Variants in ADGB observed in about 807,000 individuals in gnomAD.
ADGB encodes calpain-7-like protein.
Under a neutral mutation model 210.5 loss-of-function variants are expected in ADGB, and 172 were observed. The ratio of observed to expected loss-of-function variants is 0.82; its 90% CI spans 0.72 to 0.93. ADGB has a LOEUF of 0.93. Among genes scored for constraint, ADGB ranks in the 40% least tolerant of loss-of-function variants. The pLI is 0.00. For synonymous variants in ADGB, 658 were observed against 662.7 expected (o/e 0.99, Z 0.11); for missense variants, 2,025 against 1,964.8 (o/e 1.03, Z -0.58).
intron 1 of ADGB, among the ~76,000 whole-genome samples, chr6:146,611,642 C>T (rs1433365692): frequency 1.3e-5 from 2 of 152,098 alleles, no homozygotes; most frequent in African/African-American, 2.4e-5. Flanking sequence ...CCCCGGCTTC[C>T]ACCTCCTTCA....
chr6:146,599,070 G>A lies in ADGB; in HGVS notation c.30G>A (p.Glu10=). 2 of 1,551,712 alleles carry A rather than the reference G, an allele frequency of 1.3e-6. No homozygotes were observed. Among genetic ancestry groups the A allele is most frequent in the Non-Finnish European group, 1.7e-6 (2 of 1,146,990 alleles). The change falls in exon 1 of 36, where the codon GAG becomes GAA. Residue 10 remains glutamate (E), a synonymous_variant. Coordinates refer to ENST00000397944, the MANE Select transcript of ADGB (RefSeq NM_024694.4). MASKQTKKK[E]VHRINSAHGS... ...CCTCCAAACAAACCAAAAAGAAAGA[G>A]GTGCATCGTATCAACTCGGCGCACG... is the stretch of plus-strand genomic sequence containing the variant.
At position 146,784,773 on chromosome 6, in the gene ADGB, T is replaced by G; in HGVS notation, c.4191T>G (p.Thr1397=). The part of the protein sequence containing the change: ...IRAMKQAWET[T]EPGRAIKASQ... The stretch of plus-strand genomic sequence containing the variant: ...CCATGAAACAAGCCTGGGAGACAAC[T>G]GAGCCAGGAAGAGCAATCAAGGTCA... Residue 1397 remains threonine (T), a synonymous_variant, in exon 31 of 36, where the codon ACT becomes ACG. Transcript: ENST00000397944. 1 of 1,549,546 alleles carries G rather than the reference T, an allele frequency of 6.5e-7. No homozygotes were observed. The highest frequency in any genetic ancestry group is 8.7e-7 in the Non-Finnish European group (1 of 1,146,158).
chr6:146,726,072 C>A lies in ADGB; in HGVS notation c.2238-11C>A. On this transcript the variant is annotated splice_polypyrimidine_tract_variant and intron_variant, in intron 18 of 35. Coordinates refer to ENST00000397944, the MANE Select transcript of ADGB (RefSeq NM_024694.4). ...AGCACTCGGTTATCATCCGGCATCCCTTCTCTTTAGGAGACACATGCTACT... is the reference window on the plus strand; with the variant it reads ...AGCACTCGGTTATCATCCGGCATCCATTCTCTTTAGGAGACACATGCTACT... 6.7e-7 allele frequency: 1 copy of A among 1,497,386 alleles called. No individual in the cohort carries two copies. The highest frequency in any genetic ancestry group is 9.1e-7 in the Non-Finnish European group (1 of 1,103,414). The allele number at this position is 1,497,386 out of a possible 1,614,324, so 92.8% of individuals were successfully genotyped here. A position where few individuals can be genotyped will look rare whatever the true frequency, so the allele number is the denominator to read the frequency against.
At chr6:146,602,437 A>C (rs1211917381) in intron 1 of ADGB, among the ~76,000 whole-genome samples, 1 of 152,230 alleles carries the variant, frequency 6.6e-6, no homozygotes, top group Non-Finnish European at 1.5e-5. Context: ...TTCTGTTATC[A>C]TCTTTTAACA....
chr6:146,780,237 C>T (rs1341556982), intron 29 of ADGB, among the ~76,000 whole-genome samples: 1 of 151,412 alleles, frequency 6.6e-6, no homozygotes, highest in Non-Finnish European at 1.5e-5. Flanking sequence ...AAAATCTATA[C>T]AAACAAATAA....
intron 1 of ADGB, among the ~76,000 whole-genome samples, chr6:146,616,787 A>G (rs1389103465): frequency 2.0e-5 from 3 of 152,032 alleles, no homozygotes; most frequent in East Asian, 3.9e-4. Flanking sequence ...TCATTGGTTT[A>G]TGTGTCTGGT....
Position 146,765,118 on chromosome 6 carries a change from T to C in ADGB, c.3750+1018T>C, listed in dbSNP as rs1777553267. Among the ~76,000 whole-genome samples the C allele has an allele frequency of 2.6e-5, 4 of 151,928 alleles. No homozygotes were observed. The South Asian group carries it at 8.3e-4, about 32-fold the overall frequency. On this transcript the variant is annotated intron_variant, in intron 28 of 35. Coordinates refer to ENST00000397944, the MANE Select transcript of ADGB (RefSeq NM_024694.4). ...CTGGCCTGATGATAGTTTTAATACA[T>C]ATAGAAACATTATATAAAAATAAAA... is the stretch of plus-strand genomic sequence containing the variant.
rs1780917482 is a variant in ADGB at position 146,622,908 on chromosome 6, T to G, written c.75-12467T>G. ...AAATAATGCAAAGCGTAAATTGATG[T>G]TTATTTTGCATATGGATATTCAATG... On this transcript the variant is annotated intron_variant, in intron 1 of 35. Transcript: ENST00000397944. Among the ~76,000 whole-genome samples, 3 of 152,076 alleles carry G rather than the reference T, an allele frequency of 2.0e-5. No homozygotes were observed. In the South Asian group the frequency reaches 6.2e-4, roughly 31 times the overall value.
At chr6:146,655,895 AAT>A (rs1409736316) in intron 4 of ADGB, among the ~76,000 whole-genome samples, 5 of 152,292 alleles carry the variant, frequency 3.3e-5, no homozygotes, top group Non-Finnish European at 7.4e-5. Context: ...GTCAATATTA[AAT>A]ATTTAATTTC....
chr6:146,705,270 C>T (rs1237222457), intron 13 of ADGB, among the ~76,000 whole-genome samples: 1 of 151,912 alleles, frequency 6.6e-6, no homozygotes, highest in Non-Finnish European at 1.5e-5. Flanking sequence ...AATTTGAGTG[C>T]CTTTTCTTTA....
intron 12 of ADGB, among the ~76,000 whole-genome samples, chr6:146,696,359 A>T (rs1776403257): frequency 6.7e-6 from 1 of 149,484 alleles, no homozygotes; most frequent in Admixed American, 6.6e-5. Context: ...TACAGGTGTG[A>T]GCCACAGTGC....
intron 20 of ADGB, among the ~76,000 whole-genome samples, chr6:146,731,068 T>C (rs1366733823): frequency 6.6e-6 from 1 of 152,138 alleles, no homozygotes; most frequent in Non-Finnish European, 1.5e-5. Flanking sequence ...AGCAACCTCT[T>C]TCCTTATTTT....
chr6:146,799,303 C>T (rs1444370472), intron 33 of ADGB, among the ~76,000 whole-genome samples: 1 of 151,840 alleles, frequency 6.6e-6, no homozygotes, highest in Non-Finnish European at 1.5e-5. Context: ...AGGAAATGAA[C>T]TAAAAAGATA....
chr6:146,648,210 C>T (rs1562264063), intron 3 of ADGB, among the ~76,000 whole-genome samples: 1 of 151,926 alleles, frequency 6.6e-6, no homozygotes, highest in Non-Finnish European at 1.5e-5. Flanking sequence ...CTTTTATTTA[C>T]CTTTTTTTAC....
chr6:146,663,642 A>G (rs530521663), intron 5 of ADGB, among the ~76,000 whole-genome samples: 100 of 152,174 alleles, frequency 6.6e-4, no homozygotes, highest in African/African-American at 2.2e-3. Flanking sequence ...GATATGTTCA[A>G]TATAGATATA....
chr6:146,697,059 A>G (rs1326347133), intron 12 of ADGB, among the ~76,000 whole-genome samples: 1 of 151,928 alleles, frequency 6.6e-6, no homozygotes, highest in East Asian at 1.9e-4. Flanking sequence ...ACTCATAGGG[A>G]AAAAAAAGAC....
chr6:146,772,651 G>A (rs376789898), intron 29 of ADGB, among the ~76,000 whole-genome samples: 3 of 146,596 alleles, frequency 2.0e-5, no homozygotes, highest in African/African-American at 7.4e-5. Context: ...AAATATATTT[G>A]CCTAAATTTA....
In ADGB at chr6:146,741,254, C is replaced by G. The variant is rs755131723; in HGVS notation, c.3160C>G (p.Leu1054Val). 4 of 1,550,424 alleles carry G rather than the reference C, an allele frequency of 2.6e-6. No individual in the cohort carries two copies. The Admixed American group carries it at 5.9e-5, about 23-fold the overall frequency. Residue 1054 changes from leucine to valine, a missense_variant, in exon 25 of 36, where the codon CTT (leucine) becomes GTT (valine). Leu to Val is a conservative substitution (Grantham distance 32, BLOSUM62 1). Coordinates refer to ENST00000397944, the MANE Select transcript of ADGB (RefSeq NM_024694.4). ...GGTGTTCCAAAAAGTGGTGCCTTAT[C>G]TTTATACCAAGAATAAGGTAGGTAT... ...PKVFQKVVPY[L>V]YTKNKKGYTF... is the part of the protein sequence containing the mutation.
At chr6:146,739,610 A>G (rs940533670) in intron 23 of ADGB, among the ~76,000 whole-genome samples, 2 of 152,160 alleles carry the variant, frequency 1.3e-5, no homozygotes, top group Non-Finnish European at 2.9e-5. Flanking sequence ...GAGGACCACC[A>G]TGGCTTTGCT....
Sources: gnomAD v4.1 joint callset for allele counts (sites outside exome capture counted in the v4.1 genomes callset) on GRCh38, gnomAD v4.1.1 for gene constraint, MANE v1.5 for transcripts, NCBI Gene and HGNC (gene_info 2026-07-23, HGNC 2026-07-21) for gene names.